CHD9: variants seen among roughly 807,000 people sequenced by gnomAD.
CHD9 encodes the protein ATP-dependent chromatin remodeler CHD9.
A neutral mutation model predicts 316.1 loss-of-function variants in CHD9; 77 were observed. The ratio of observed to expected loss-of-function variants is 0.24; its 90% CI spans 0.20 to 0.29. The LOEUF (loss-of-function observed/expected upper bound fraction) is 0.29, where lower values mean the gene tolerates loss of function less well. Ranked by LOEUF, CHD9 falls within the 10% of genes least tolerant of loss-of-function variation. The probability of loss-of-function intolerance (pLI) is 1.00; values close to 1 mark genes in which losing one functional copy is unlikely to be tolerated. For synonymous variants in CHD9, 1,129 were observed against 1,158.3 expected (o/e 0.97, Z 0.51); for missense variants, 2,763 against 3,438.1 (o/e 0.80, Z 4.91).
At chr16:53,122,154 T>C (rs1377146837) in intron 1 of CHD9, 2 of 131,370 alleles carry the variant, frequency 1.5e-5, no homozygotes, top group Non-Finnish European at 3.2e-5. Context: ...TCAATAAAGA[T>C]GAGTGAGAAG....
intron 1 of CHD9, among the ~76,000 whole-genome samples, chr16:53,109,677 CTTTTTTTTTTTT>C (rs1166073629): frequency 2.8e-5 from 2 of 71,608 alleles, no homozygotes; most frequent in Non-Finnish European, 2.5e-5. Context: ...TTCCCAGTTT[CTTTTTTTTTTTT>C]TTTTTTTTTT....
chr16:53,290,742 C>T (rs1056826421), intron 27 of CHD9, among the ~76,000 whole-genome samples: 3 of 152,100 alleles, frequency 2.0e-5, no homozygotes, highest in Non-Finnish European at 2.9e-5. Flanking sequence ...CACGCCACTG[C>T]ACTCCAGCCT....
Position 53,156,419 on chromosome 16 carries a change from A to C in CHD9, c.330A>C (p.Gln110His). The C allele has an allele frequency of 6.2e-7, 1 of 1,613,944 alleles. No homozygotes were observed. The highest frequency in any genetic ancestry group is 1.1e-5 in the South Asian group (1 of 91,080). The change falls in exon 2 of 39, where the codon CAA becomes CAC. Residue 110 changes from glutamine (Q) to histidine (H), a missense_variant. Physicochemically the swap from Gln to His is conservative, Grantham distance 24. Around this residue, in one of 15 missense-constraint regions of CHD9, gnomAD observed 859 missense variants for 890.4 expected, o/e 0.96. Coordinates refer to ENST00000447540, the MANE Select transcript of CHD9 (RefSeq NM_001308319.2). ...GTTCTCCAATCCATCCCCAAAACCAACCCAATGGTTTGTTTCCAGATGTAT... is the reference window on the plus strand; with the variant it reads ...GTTCTCCAATCCATCCCCAAAACCACCCCAATGGTTTGTTTCCAGATGTAT... ...FNCSPIHPQN[Q>H]PNGLFPDVSD...
At chr16:53,076,597 A>T (rs2034547498) in intron 1 of CHD9, among the ~76,000 whole-genome samples, 1 of 151,622 alleles carries the variant, frequency 6.6e-6, no homozygotes, top group Admixed American at 6.6e-5. Context: ...AAAGCAAAGA[A>T]AAGAAAAAAT....
intron 2 of CHD9, among the ~76,000 whole-genome samples, chr16:53,164,651 G>C (rs960436976): frequency 1.3e-5 from 2 of 151,544 alleles, no homozygotes; most frequent in Non-Finnish European, 1.5e-5. Flanking sequence ...TTGGAGGGGG[G>C]GGTTTGTTGT....
chr16:53,274,415 T>C, intron 24 of CHD9, 113 bp downstream of exon 24: 1 of 545,408 alleles, frequency 1.8e-6, no homozygotes, highest in Non-Finnish European at 3.2e-6. Context: ...GCTCGCACTG[T>C]AGGCACACCA....
Position 53,326,675 on chromosome 16 carries a change from A to C in CHD9, c.*1780A>C, listed in dbSNP as rs374282150. 11 of 152,600 alleles carry C rather than the reference A, an allele frequency of 7.2e-5. No individual in the cohort carries two copies. The South Asian group carries it at 1.7e-3, about 23-fold the overall frequency. 9.5% of individuals were successfully genotyped at this position (152,600 alleles called of 1,614,324 possible). Reference sequence around the variant, plus strand: ...AAGTGGGTAGTAATTCTTCATCATGAAAATGATATATTACATATTTAGTAT... The same window carrying C: ...AAGTGGGTAGTAATTCTTCATCATGCAAATGATATATTACATATTTAGTAT... On this transcript the variant is annotated 3_prime_UTR_variant, in exon 39 of 39. Coordinates refer to ENST00000447540, the MANE Select transcript of CHD9 (RefSeq NM_001308319.2).
chr16:53,251,351 C>T (rs2050110638), intron 17 of CHD9, among the ~76,000 whole-genome samples: 1 of 152,186 alleles, frequency 6.6e-6, no homozygotes, highest in Admixed American at 6.5e-5. Flanking sequence ...ATAATAAAGT[C>T]ACTTTATAGA....
chr16:53,132,176 TTTG>T (rs956430820), intron 1 of CHD9, among the ~76,000 whole-genome samples: 27 of 152,146 alleles, frequency 1.8e-4, no homozygotes, highest in Admixed American at 3.3e-4. Flanking sequence ...AGATGAGAAT[TTTG>T]TTGTTGTTGT....
intron 19 of CHD9, among the ~76,000 whole-genome samples, chr16:53,256,185 C>T (rs910884953): frequency 2.0e-5 from 3 of 151,812 alleles, no homozygotes; most frequent in Admixed American, 1.3e-4. Flanking sequence ...TAAATCTGGC[C>T]GGGCGAGGTG....
chr16:53,145,960 C>A (rs183524698), intron 1 of CHD9, among the ~76,000 whole-genome samples: 2 of 151,876 alleles, frequency 1.3e-5, no homozygotes, highest in Non-Finnish European at 2.9e-5. Context: ...TGAAACAGAC[C>A]GGTCACAAAA....
At position 53,268,134 on chromosome 16, in the gene CHD9, C is replaced by T. The variant is rs371885191; in HGVS notation, c.4717+8C>T. 3 of 1,569,198 alleles carry T rather than the reference C, an allele frequency of 1.9e-6. No homozygotes were observed. The highest frequency in any genetic ancestry group is 2.6e-6 in the Non-Finnish European group (3 of 1,154,020). ...AGCTACAGAATCATCTAGGTAAGAA[C>T]ATTGTTTCATTTGCTTTTAAAATTT... is the stretch of plus-strand genomic sequence containing the variant. On this transcript the variant is annotated splice_region_variant and intron_variant, in intron 22 of 38. Coordinates refer to ENST00000447540, the MANE Select transcript of CHD9 (RefSeq NM_001308319.2).
chr16:53,219,644 T>C (rs960565489), intron 3 of CHD9, among the ~76,000 whole-genome samples: 2 of 152,350 alleles, frequency 1.3e-5, no homozygotes, highest in Admixed American at 6.5e-5. Flanking sequence ...TATGATTTTT[T>C]AAAGCTCTGT....
intron 33 of CHD9, among the ~76,000 whole-genome samples, chr16:53,308,379 T>G (rs534194542): frequency 2.6e-5 from 4 of 152,290 alleles, no homozygotes; most frequent in African/African-American, 9.6e-5. Context: ...AAATGTCATA[T>G]GAATAATGTA....
intron 17 of CHD9, 122 bp from the exon 18 acceptor site, chr16:53,254,316 T>TTA (rs1285898021): frequency 1.8e-6 from 1 of 570,370 alleles, no homozygotes; most frequent in Non-Finnish European, 2.8e-6. Flanking sequence ...TAGAAAAAGG[T>TTA]TATATCTAAT....
At chr16:53,321,278 G>A (rs1486881245) in intron 37 of CHD9, 3 of 1,344,598 alleles carry the variant, frequency 2.2e-6, no homozygotes, top group East Asian at 3.7e-5. Context: ...CAGCATGGTA[G>A]TTATTCATTT....
intron 1 of CHD9, among the ~76,000 whole-genome samples, chr16:53,150,127 A>G (rs1257896212): frequency 6.6e-6 from 1 of 151,728 alleles, no homozygotes; most frequent in Admixed American, 6.6e-5. Flanking sequence ...AAGAAAACAT[A>G]CTTCTGTTAT....
At chr16:53,318,143 AT>A in intron 36 of CHD9, 68 bp from the exon 37 acceptor site, 1 of 1,292,424 alleles carries the variant, frequency 7.7e-7, no homozygotes, top group Non-Finnish European at 1.1e-6. Context: ...GGATCAGCTC[AT>A]TTTAATATTT....
At chr16:53,280,047 A>G (rs7195476) in intron 24 of CHD9, among the ~76,000 whole-genome samples, 34,081 of 152,128 alleles carry the variant, frequency 0.22, 4,087 homozygotes, top group Middle Eastern at 0.29. Context: ...GGATGTAGTG[A>G]ACAAAACACT....
Sources: gnomAD v4.1 joint callset for allele counts (sites outside exome capture counted in the v4.1 genomes callset) on GRCh38, gnomAD v4.1.1 for gene constraint, gnomAD v4.1.1 regional missense constraint, MANE v1.5 for transcripts, NCBI Gene and HGNC (gene_info 2026-07-23, HGNC 2026-07-21) for gene names.